OR6N1: variants seen among roughly 807,000 people sequenced by gnomAD.
The protein encoded by OR6N1 is olfactory receptor 6N1.
For missense variants in OR6N1, 394 were observed against 371.7 expected, an observed-to-expected ratio of 1.06 and a Z score of -0.49; for synonymous variants, 170 against 150.7, an observed-to-expected ratio of 1.13 and a Z score of -0.94.
the OR6N1 span, among the ~76,000 whole-genome samples, chr1:158,819,922 G>GAC: frequency 2.6e-5 from 4 of 152,242 alleles, no homozygotes; most frequent in East Asian, 5.8e-4. Context: ...AGGAATTAAA[G>GAC]ACACACACAC....
the OR6N1 span, among the ~76,000 whole-genome samples, chr1:158,817,501 CTT>C: frequency 1.3e-5 from 2 of 152,146 alleles, no homozygotes; most frequent in African/African-American, 2.4e-5. Flanking sequence ...TATTTACCTG[CTT>C]TATATATTAA....
the OR6N1 span, among the ~76,000 whole-genome samples, chr1:158,787,486 A>G: frequency 2.0e-5 from 3 of 152,250 alleles, no homozygotes; most frequent in South Asian, 6.2e-4. Flanking sequence ...TGTAGCTGTG[A>G]TCTGATAAAA....
chr1:158,830,609 T>A, the OR6N1 span, among the ~76,000 whole-genome samples: 1 of 152,062 alleles, frequency 6.6e-6, no homozygotes, highest in Non-Finnish European at 1.5e-5. Flanking sequence ...GAAAAAAAAA[T>A]TGCAGTACAA....
the OR6N1 span, among the ~76,000 whole-genome samples, chr1:158,816,781 T>C: frequency 6.6e-6 from 1 of 152,238 alleles, no homozygotes; most frequent in Non-Finnish European, 1.5e-5. Context: ...CCATCTCTGC[T>C]CTGGATATTT....
At chr1:158,779,657 T>C in the OR6N1 span, among the ~76,000 whole-genome samples, 2 of 152,198 alleles carry the variant, frequency 1.3e-5, no homozygotes, top group Non-Finnish European at 2.9e-5. Context: ...ACCTCTCCAA[T>C]TACAGGAGAC....
chr1:158,788,753 G>T, the OR6N1 span, among the ~76,000 whole-genome samples: 1 of 151,970 alleles, frequency 6.6e-6, no homozygotes, highest in African/African-American at 2.4e-5. Flanking sequence ...CAAACACTAG[G>T]TCTTATTTAT....
At chr1:158,796,224 T>G in the OR6N1 span, 1 of 152,222 alleles carries the variant, frequency 6.6e-6, no homozygotes, top group Non-Finnish European at 1.5e-5. Flanking sequence ...GGACCTAGTA[T>G]GCTTCAGAGT....
At chr1:158,807,023 AAAG>A in the OR6N1 span, among the ~76,000 whole-genome samples, 1 of 151,414 alleles carries the variant, frequency 6.6e-6, no homozygotes, top group African/African-American at 2.4e-5. Context: ...AAAAAAAAAA[AAAG>A]TACTGTAAGC....
At chr1:158,784,641 T>C in the OR6N1 span, among the ~76,000 whole-genome samples, 1 of 152,220 alleles carries the variant, frequency 6.6e-6, no homozygotes, top group Non-Finnish European at 1.5e-5. Context: ...TCAGTTTCTT[T>C]AGATTTCACA....
chr1:158,834,135 T>A, the OR6N1 span, among the ~76,000 whole-genome samples: 1 of 152,212 alleles, frequency 6.6e-6, no homozygotes, highest in Non-Finnish European at 1.5e-5. Context: ...TTGATTTGTA[T>A]TTTTCTAAAG....
the OR6N1 span, among the ~76,000 whole-genome samples, chr1:158,799,328 A>G: frequency 1.3e-5 from 2 of 152,282 alleles, no homozygotes; most frequent in South Asian, 4.1e-4. Flanking sequence ...GACAAAAAAT[A>G]CCTTCCCAAT....
upstream of OR6N1, among the ~76,000 whole-genome samples, chr1:158,772,811 G>A (rs1026197634): frequency 5.3e-5 from 8 of 152,078 alleles, no homozygotes; most frequent in Non-Finnish European, 8.8e-5. Flanking sequence ...GCCATGGTTG[G>A]CAATATTGCC....
At chr1:158,832,257 A>G in the OR6N1 span, among the ~76,000 whole-genome samples, 2 of 152,030 alleles carry the variant, frequency 1.3e-5, no homozygotes, top group Non-Finnish European at 1.5e-5. Context: ...GTACATATGA[A>G]TGTTTTCTAA....
the OR6N1 span, among the ~76,000 whole-genome samples, chr1:158,815,261 G>A: frequency 1.3e-5 from 2 of 152,078 alleles, no homozygotes; most frequent in East Asian, 3.8e-4. Context: ...GCAACATGAG[G>A]TATATGTTGC....
chr1:158,808,692 G>A, the OR6N1 span: 1 of 152,738 alleles, frequency 6.5e-6, no homozygotes, highest in South Asian at 2.1e-4. Flanking sequence ...CCTCCATAGA[G>A]TCCCAAAATG....
chr1:158,773,412 C>A (rs1657472062), upstream of OR6N1, among the ~76,000 whole-genome samples: 1 of 152,146 alleles, frequency 6.6e-6, no homozygotes, highest in Non-Finnish European at 1.5e-5. Flanking sequence ...TTTTCCACAT[C>A]TGTCAGTTTC....
the OR6N1 span, among the ~76,000 whole-genome samples, chr1:158,813,177 A>G: frequency 6.6e-6 from 1 of 152,218 alleles, no homozygotes; most frequent in African/African-American, 2.4e-5. Flanking sequence ...AGGAGTACAA[A>G]ATAGCATACA....
the OR6N1 span, among the ~76,000 whole-genome samples, chr1:158,797,594 AAG>A: frequency 3.9e-5 from 6 of 152,166 alleles, no homozygotes; most frequent in African/African-American, 1.4e-4. Context: ...TTGGTGACCT[AAG>A]TCATATTTTT....
At chr1:158,816,841 G>A in the OR6N1 span, among the ~76,000 whole-genome samples, 146 of 152,320 alleles carry the variant, frequency 9.6e-4, no homozygotes, top group Non-Finnish European at 1.5e-3. Flanking sequence ...TTTAAGAAGC[G>A]TTGTAATCAT....
Sources: gnomAD v4.1 joint callset for allele counts (sites outside exome capture counted in the v4.1 genomes callset) on GRCh38, gnomAD v4.1.1 for gene constraint, MANE v1.5 for transcripts, NCBI Gene and HGNC (gene_info 2026-07-23, HGNC 2026-07-21) for gene names.